Variants in ZEB2 observed in about 807,000 individuals in gnomAD.
ZEB2 encodes the protein zinc finger E-box-binding homeobox 2.
Under a neutral mutation model 99.9 loss-of-function variants are expected in ZEB2, and 6 were observed. That is an observed-to-expected ratio of 0.06 (90% CI 0.03 to 0.12). The LOEUF is 0.12. Ranked by LOEUF, ZEB2 falls within the 10% of genes least tolerant of loss-of-function variation. The pLI is 1.00. For synonymous variants in ZEB2, 517 were observed against 542.5 expected (o/e 0.95, Z 0.65); for missense variants, 969 against 1,502.8 (o/e 0.64, Z 5.87).
intron 2 of ZEB2, among the ~76,000 whole-genome samples, chr2:144,510,722 C>CTCTCTCTCTCTT (rs1705022426): frequency 6.6e-6 from 1 of 151,786 alleles, no homozygotes; most frequent in African/African-American, 2.4e-5. Context: ...CTCTCTTTCT[C>CTCTCTCTCTCTT]TCTCTCTTTC....
intron 2 of ZEB2, among the ~76,000 whole-genome samples, chr2:144,456,948 G>A (rs556016458): frequency 1.8e-3 from 269 of 152,078 alleles, no homozygotes; most frequent in African/African-American, 5.9e-3. Context: ...TTTCTCAATC[G>A]TTCCAGCTCT....
chr2:144,403,865 T>C (rs762372998), intron 6 of ZEB2, 51 bp downstream of exon 6: 74 of 1,608,480 alleles, frequency 4.6e-5, no homozygotes, highest in Non-Finnish European at 5.6e-5. Context: ...AGCAATATCG[T>C]TTCTCTAAGG....
chr2:144,441,209 A>AGAGAGAGAGCC (rs1553965039), intron 2 of ZEB2, among the ~76,000 whole-genome samples: 1 of 24,274 alleles, frequency 4.1e-5, no homozygotes. Flanking sequence ...GAGAGAGAGA[A>AGAGAGAGAGCC]CCTCATGCCT....
At chr2:144,490,069 CT>C (rs1213199428) in intron 2 of ZEB2, among the ~76,000 whole-genome samples, 1 of 152,114 alleles carries the variant, frequency 6.6e-6, no homozygotes, top group Non-Finnish European at 1.5e-5. Context: ...CCTCAGTTTC[CT>C]GATCAGTAAG....
chr2:144,488,776 G>A (rs1050413613), intron 2 of ZEB2, among the ~76,000 whole-genome samples: 2 of 151,202 alleles, frequency 1.3e-5, no homozygotes, highest in South Asian at 2.1e-4. Context: ...TCTTACCTAC[G>A]GTAAATGAAG....
At chr2:144,424,114 A>G (rs1281397869) in intron 4 of ZEB2, among the ~76,000 whole-genome samples, 1 of 152,172 alleles carries the variant, frequency 6.6e-6, no homozygotes, top group Admixed American at 6.5e-5. Flanking sequence ...AGTGTTTGGG[A>G]AAAAACATGG....
chr2:144,407,850 T>C (rs2149881023), intron 4 of ZEB2, among the ~76,000 whole-genome samples: 1 of 152,378 alleles, frequency 6.6e-6, no homozygotes, highest in East Asian at 1.9e-4. Flanking sequence ...GTACATTTAA[T>C]ATCCTAATTT....
intron 2 of ZEB2, among the ~76,000 whole-genome samples, chr2:144,442,529 T>G (rs1190664125): frequency 6.6e-6 from 1 of 152,172 alleles, no homozygotes; most frequent in Non-Finnish European, 1.5e-5. Context: ...CTTCCCTTAT[T>G]CTTCAAATAT....
intron 2 of ZEB2, chr2:144,507,389 A>C (rs1377816482): frequency 1.3e-5 from 2 of 152,250 alleles, no homozygotes; most frequent in African/African-American, 4.8e-5. Context: ...CTGAATATGC[A>C]CACTAACAGC....
intron 3 of ZEB2, among the ~76,000 whole-genome samples, chr2:144,425,179 G>A (rs1201051974): frequency 6.6e-6 from 1 of 152,176 alleles, no homozygotes; most frequent in Non-Finnish European, 1.5e-5. Context: ...TTCAATAAGA[G>A]TCAAAAGCAA....
intron 9 of ZEB2, among the ~76,000 whole-genome samples, chr2:144,391,261 T>C (rs559282536): frequency 6.6e-6 from 1 of 152,374 alleles, no homozygotes; most frequent in South Asian, 2.1e-4. Flanking sequence ...TAGACTGCTA[T>C]ATGTCATTTC....
chr2:144,465,675 G>A (rs28610014), intron 2 of ZEB2, among the ~76,000 whole-genome samples: 26,023 of 152,110 alleles, frequency 0.17, 2,429 homozygotes, highest in Admixed American at 0.27. Flanking sequence ...TAACAAGCAA[G>A]TGTGTAACAG....
intron 2 of ZEB2, among the ~76,000 whole-genome samples, chr2:144,489,368 G>T (rs1181785625): frequency 1.3e-5 from 2 of 151,522 alleles, no homozygotes. Flanking sequence ...TTTTCCTCTG[G>T]CCTAATAAAA....
chr2:144,404,712 T>G, intron 5 of ZEB2, 124 bp downstream of exon 5: 1 of 1,281,868 alleles, frequency 7.8e-7, no homozygotes, highest in Non-Finnish European at 1.1e-6. Flanking sequence ...TCTTTGCTCA[T>G]GAAATTCCAT....
intron 2 of ZEB2, among the ~76,000 whole-genome samples, chr2:144,491,012 G>A (rs1460633723): frequency 6.6e-6 from 1 of 152,236 alleles, no homozygotes; most frequent in East Asian, 1.9e-4. Flanking sequence ...CCGTGTCAGT[G>A]ATCCGTGCGT....
At chr2:144,474,919 C>A (rs1704410439) in intron 2 of ZEB2, among the ~76,000 whole-genome samples, 1 of 152,150 alleles carries the variant, frequency 6.6e-6, no homozygotes, top group Non-Finnish European at 1.5e-5. Flanking sequence ...ACAAGAATTA[C>A]TTTCTTACTT....
At chr2:144,446,309 G>A (rs143768032) in intron 2 of ZEB2, among the ~76,000 whole-genome samples, 7 of 151,600 alleles carry the variant, frequency 4.6e-5, no homozygotes, top group Middle Eastern at 3.4e-3. Flanking sequence ...CCCTCTTTCC[G>A]TCCTTCCACA....
chr2:144,400,424 C>A, intron 7 of ZEB2, 154 bp from the exon 8 acceptor site: 1 of 835,588 alleles, frequency 1.2e-6, no homozygotes, highest in Non-Finnish European at 1.9e-6. Flanking sequence ...TGACCATAAC[C>A]ATTTCTGAAC....
chr2:144,440,502 TATATATATATATA>T lies in ZEB2; in HGVS notation c.74-10489_74-10477del, dbSNP rs368290556. ...CAAAAGCAGTATATATATATATATA[TATATATATATATA>T]TTTTTTTTTTTTTTTTTTTTTTTTT... On this transcript the variant is annotated intron_variant, in intron 2 of 9. Coordinates refer to ENST00000627532, the MANE Select transcript of ZEB2 (RefSeq NM_014795.4). Among the ~76,000 whole-genome samples the T allele has an allele frequency of 5.3e-3, 61 of 11,518 alleles. 1 individual carries two copies. The highest frequency in any genetic ancestry group is 0.016 in the East Asian group (3 of 188). The allele number at this position is 11,518 out of a possible 152,430, so 7.6% of individuals were successfully genotyped here.
Sources: allele counts gnomAD v4.1 joint callset (sites outside exome capture counted in the v4.1 genomes callset), GRCh38; gene constraint gnomAD v4.1.1; transcripts MANE v1.5; gene names NCBI Gene and HGNC (gene_info 2026-07-23, HGNC 2026-07-21).